Variants in PLCB1 observed in about 807,000 individuals in gnomAD.
PLCB1 encodes the protein 1-phosphatidylinositol 4,5-bisphosphate phosphodiesterase beta-1.
PLCB1 carries 46 observed loss-of-function variants against 161.8 expected under a neutral mutation model. That is an observed-to-expected ratio of 0.28 (90% confidence interval 0.22 to 0.36). The LOEUF (loss-of-function observed/expected upper bound fraction) is 0.36, where lower values mean the gene tolerates loss of function less well. Ranked by LOEUF, PLCB1 falls within the 10% of genes least tolerant of loss-of-function variation. PLCB1 has a pLI of 1.00. For synonymous variants in PLCB1, 517 were observed against 503.7 expected (o/e 1.03, Z -0.35); for missense variants, 1,016 against 1,472.5 (o/e 0.69, Z 5.07).
chr20:8,824,506 A>G (rs1985592190), intron 31 of PLCB1, among the ~76,000 whole-genome samples: 1 of 152,208 alleles, frequency 6.6e-6, no homozygotes, highest in South Asian at 2.1e-4. Flanking sequence ...GAACTCAGGA[A>G]TGGCAGGAAG....
At chr20:8,438,753 C>A (rs1190829609) in intron 3 of PLCB1, among the ~76,000 whole-genome samples, 2 of 152,150 alleles carry the variant, frequency 1.3e-5, no homozygotes, top group African/African-American at 2.4e-5. Flanking sequence ...AGGTCTTTGC[C>A]CCATTTCCTG....
intron 2 of PLCB1, among the ~76,000 whole-genome samples, chr20:8,334,098 A>G (rs1985472038): frequency 6.6e-6 from 1 of 152,114 alleles, no homozygotes; most frequent in African/African-American, 2.4e-5. Context: ...AATCCCAGCT[A>G]CTTGGGAGGC....
intron 9 of PLCB1, among the ~76,000 whole-genome samples, chr20:8,676,571 G>A (rs1990082005): frequency 6.6e-6 from 1 of 152,184 alleles, no homozygotes; most frequent in Non-Finnish European, 1.5e-5. Context: ...CCTGGCAAGA[G>A]ATTAGATAGA....
chr20:8,365,252 T>C (rs903769162), intron 2 of PLCB1, among the ~76,000 whole-genome samples: 1 of 152,220 alleles, frequency 6.6e-6, no homozygotes, highest in Non-Finnish European at 1.5e-5. Context: ...CAAGTGATAA[T>C]TTGAGGGAAG....
intron 12 of PLCB1, among the ~76,000 whole-genome samples, chr20:8,711,438 G>T (rs908250558): frequency 2.0e-5 from 3 of 152,174 alleles, no homozygotes; most frequent in Non-Finnish European, 4.4e-5. Context: ...CCATTGTACT[G>T]CCCTTATGGG....
intron 3 of PLCB1, among the ~76,000 whole-genome samples, chr20:8,439,056 C>T (rs985723178): frequency 1.3e-5 from 2 of 152,196 alleles, no homozygotes; most frequent in South Asian, 4.1e-4. Context: ...TTAAGCAGCT[C>T]TTTAGAGCTT....
At chr20:8,618,898 T>C (rs1988102636) in intron 3 of PLCB1, among the ~76,000 whole-genome samples, 1 of 152,192 alleles carries the variant, frequency 6.6e-6, no homozygotes, top group African/African-American at 2.4e-5. Flanking sequence ...TTATAGAATA[T>C]AGTTAACCCA....
chr20:8,565,923 G>T (rs1050127112), intron 3 of PLCB1, among the ~76,000 whole-genome samples: 5 of 152,084 alleles, frequency 3.3e-5, no homozygotes, highest in Admixed American at 2.6e-4. Context: ...TTTACAAGAA[G>T]TGTGTGCACT....
chr20:8,533,746 TG>T (rs2122926581), intron 3 of PLCB1, among the ~76,000 whole-genome samples: 1 of 151,934 alleles, frequency 6.6e-6, no homozygotes, highest in East Asian at 1.9e-4. Context: ...TTGAGTTCAT[TG>T]TAGATTCTGG....
chr20:8,223,519 C>T (rs1979524825), intron 2 of PLCB1, among the ~76,000 whole-genome samples: 2 of 151,984 alleles, frequency 1.3e-5, no homozygotes, highest in Admixed American at 1.3e-4. Flanking sequence ...TGTAATGTGT[C>T]TCAACTTTTG....
chr20:8,564,541 A>G (rs1224038004), intron 3 of PLCB1, among the ~76,000 whole-genome samples: 1 of 152,214 alleles, frequency 6.6e-6, no homozygotes. Context: ...CATCAGAGTG[A>G]ACAGACAACC....
At chr20:8,587,745 T>C (rs985384025) in intron 3 of PLCB1, among the ~76,000 whole-genome samples, 1 of 152,176 alleles carries the variant, frequency 6.6e-6, no homozygotes, top group Non-Finnish European at 1.5e-5. Context: ...ATCCTGGAAT[T>C]TGTGTATATA....
At chr20:8,683,095 TTTA>T (rs1990261012) in intron 9 of PLCB1, among the ~76,000 whole-genome samples, 1 of 152,034 alleles carries the variant, frequency 6.6e-6, no homozygotes, top group African/African-American at 2.4e-5. Flanking sequence ...CCGCATAGAA[TTTA>T]TTTTTACATT....
intron 12 of PLCB1, among the ~76,000 whole-genome samples, chr20:8,711,546 TC>T (rs1172483219): frequency 7.2e-5 from 11 of 152,166 alleles, no homozygotes; most frequent in Non-Finnish European, 1.5e-4. Flanking sequence ...CATGATTGTG[TC>T]CCAAGCCACT....
At chr20:8,195,150 G>A (rs998786243) in intron 2 of PLCB1, among the ~76,000 whole-genome samples, 5 of 151,944 alleles carry the variant, frequency 3.3e-5, no homozygotes, top group Non-Finnish European at 7.4e-5. Flanking sequence ...GCATTATGGA[G>A]ATGGGCTTTC....
intron 31 of PLCB1, among the ~76,000 whole-genome samples, chr20:8,847,595 T>A (rs749344517): frequency 3.3e-5 from 5 of 152,168 alleles, no homozygotes; most frequent in Non-Finnish European, 7.4e-5. Context: ...GCACCTGGAT[T>A]TAGGGCAGAC....
At chr20:8,549,998 T>C (rs1985714789) in intron 3 of PLCB1, among the ~76,000 whole-genome samples, 1 of 152,158 alleles carries the variant, frequency 6.6e-6, no homozygotes. Context: ...GATTTTGGAC[T>C]TGCATGGGGC....
intron 2 of PLCB1, among the ~76,000 whole-genome samples, chr20:8,351,327 A>G (rs548678572): frequency 1.5e-4 from 23 of 152,180 alleles, no homozygotes; most frequent in Admixed American, 7.8e-4. Flanking sequence ...ATACTTTACA[A>G]AAAAAATTAA....
At chr20:8,616,009 G>A (rs747588234) in intron 3 of PLCB1, among the ~76,000 whole-genome samples, 4 of 152,032 alleles carry the variant, frequency 2.6e-5, no homozygotes, top group Non-Finnish European at 4.4e-5. Context: ...TCTCAGTTAC[G>A]CAGTTCAGAA....
Sources: gnomAD v4.1 joint callset for allele counts (sites outside exome capture counted in the v4.1 genomes callset) on GRCh38, gnomAD v4.1.1 for gene constraint, MANE v1.5 for transcripts, NCBI Gene and HGNC (gene_info 2026-07-23, HGNC 2026-07-21) for gene names.